Variants in KCNIP1 observed in about 807,000 individuals in gnomAD.
KCNIP1 encodes potassium voltage-gated channel interacting protein 1, also known as A-type potassium channel modulatory protein KCNIP1.
A neutral mutation model predicts 33.0 loss-of-function variants in KCNIP1; 18 were observed. The observed-to-expected ratio is 0.55, with a 90% CI of 0.38 to 0.81. KCNIP1 has a LOEUF of 0.81. Among genes scored for constraint, KCNIP1 ranks in the 30% least tolerant of loss-of-function variants. The pLI, the probability that KCNIP1 is intolerant of heterozygous loss-of-function variation, is 0.00. For missense variants in KCNIP1, 238 were observed against 271.6 expected, an observed-to-expected ratio of 0.88 and a Z score of 0.87; for synonymous variants, 93 against 98.3, an observed-to-expected ratio of 0.95 and a Z score of 0.32.
intron 5 of KCNIP1, among the ~76,000 whole-genome samples, chr5:170,723,632 A>G (rs115981953): frequency 1.4e-3 from 207 of 151,140 alleles, no homozygotes; most frequent in African/African-American, 5.0e-3. Context: ...GTTTTTAATT[A>G]ACACAGATTT....
At chr5:170,575,435 C>G (rs1363029246) in intron 1 of KCNIP1, among the ~76,000 whole-genome samples, 3 of 152,104 alleles carry the variant, frequency 2.0e-5, no homozygotes, top group Admixed American at 6.5e-5. Flanking sequence ...TCAAAGTTGC[C>G]ACCTGGCAGA....
intron 1 of KCNIP1, among the ~76,000 whole-genome samples, chr5:170,702,261 C>T (rs1364594926): frequency 6.6e-6 from 1 of 152,158 alleles, no homozygotes; most frequent in Non-Finnish European, 1.5e-5. Flanking sequence ...GTGAAAAGAA[C>T]GTTAGATTAC....
At chr5:170,356,087 T>C (rs895688082) in intron 1 of KCNIP1, among the ~76,000 whole-genome samples, 3 of 152,228 alleles carry the variant, frequency 2.0e-5, no homozygotes, top group Non-Finnish European at 2.9e-5. Flanking sequence ...GCAGGGTAGC[T>C]GAGAAAGGCC....
chr5:170,589,357 C>T (rs969717951), intron 1 of KCNIP1, among the ~76,000 whole-genome samples: 3 of 152,118 alleles, frequency 2.0e-5, no homozygotes, highest in African/African-American at 4.8e-5. Context: ...GAACCAAATA[C>T]GTGGTATCTG....
At chr5:170,477,381 T>C (rs1316952480) in intron 1 of KCNIP1, among the ~76,000 whole-genome samples, 2 of 151,878 alleles carry the variant, frequency 1.3e-5, no homozygotes, top group Non-Finnish European at 2.9e-5. Flanking sequence ...AAATCTGAGA[T>C]ATAACTGCCC....
chr5:170,693,463 GT>G, intron 1 of KCNIP1, among the ~76,000 whole-genome samples: 1 of 152,292 alleles, frequency 6.6e-6, no homozygotes, highest in East Asian at 1.9e-4. Context: ...AGAAGTGAGT[GT>G]TCTTCACAGA....
At chr5:170,452,100 G>C (rs1011449574) in intron 1 of KCNIP1, among the ~76,000 whole-genome samples, 2 of 152,142 alleles carry the variant, frequency 1.3e-5, no homozygotes, top group Non-Finnish European at 2.9e-5. Context: ...AGACCCAGAG[G>C]GAAACGTGGT....
chr5:170,698,455 C>T (rs902180378), intron 1 of KCNIP1, among the ~76,000 whole-genome samples: 9 of 152,164 alleles, frequency 5.9e-5, no homozygotes, highest in African/African-American at 1.9e-4. Context: ...GGGCAGATGA[C>T]CTTACATCCT....
chr5:170,530,718 T>C (rs1378583914), intron 1 of KCNIP1, among the ~76,000 whole-genome samples: 2 of 152,216 alleles, frequency 1.3e-5, no homozygotes, highest in African/African-American at 4.8e-5. Context: ...AGGGCTCAGA[T>C]AGCAGAGGGA....
intron 1 of KCNIP1, among the ~76,000 whole-genome samples, chr5:170,423,551 T>C (rs1465402732): frequency 6.6e-6 from 1 of 152,156 alleles, no homozygotes; most frequent in East Asian, 1.9e-4. Flanking sequence ...TCCCATGATG[T>C]CTAAGTTGTT....
chr5:170,733,742 C>A, intron 6 of KCNIP1, 94 bp from the exon 7 acceptor site: 2 of 1,033,944 alleles, frequency 1.9e-6, no homozygotes, highest in Non-Finnish European at 3.0e-6. Flanking sequence ...TGAGCTCCAG[C>A]TCGTTACTCT....
intron 5 of KCNIP1, among the ~76,000 whole-genome samples, chr5:170,726,814 G>A (rs1160051077): frequency 6.6e-6 from 1 of 151,484 alleles, no homozygotes; most frequent in African/African-American, 2.4e-5. Flanking sequence ...GGGAGGCTGA[G>A]GTGGGAGAAT....
chr5:170,467,050 G>A (rs758211927), intron 1 of KCNIP1, among the ~76,000 whole-genome samples: 2 of 152,176 alleles, frequency 1.3e-5, no homozygotes, highest in Non-Finnish European at 2.9e-5. Context: ...CATTGGATGT[G>A]ATGACATGAC....
At chr5:170,367,192 G>T (rs1361155976) in intron 1 of KCNIP1, among the ~76,000 whole-genome samples, 2 of 151,878 alleles carry the variant, frequency 1.3e-5, no homozygotes, top group Admixed American at 1.3e-4. Flanking sequence ...GCACATGCCT[G>T]TAATCCCAGC....
At chr5:170,462,931 G>C (rs758616659) in intron 1 of KCNIP1, among the ~76,000 whole-genome samples, 6 of 152,144 alleles carry the variant, frequency 3.9e-5, no homozygotes, top group Non-Finnish European at 7.3e-5. Context: ...AGGATGCAAA[G>C]GCATAAGAGT....
chr5:170,653,135 A>T (rs1195032857), intron 1 of KCNIP1, among the ~76,000 whole-genome samples: 1 of 152,212 alleles, frequency 6.6e-6, no homozygotes, highest in South Asian at 2.1e-4. Context: ...GCAGACAGCG[A>T]TTGGAGAAAA....
At chr5:170,511,296 TG>T (rs1754923852) in intron 1 of KCNIP1, among the ~76,000 whole-genome samples, 1 of 152,248 alleles carries the variant, frequency 6.6e-6, no homozygotes, top group Non-Finnish European at 1.5e-5. Flanking sequence ...AACATGGTGC[TG>T]CACACCAGGT....
At chr5:170,498,418 C>T (rs1158134521) in intron 1 of KCNIP1, among the ~76,000 whole-genome samples, 1 of 152,154 alleles carries the variant, frequency 6.6e-6, no homozygotes, top group Admixed American at 6.5e-5. Flanking sequence ...TATCTACTTC[C>T]CTGCCCTCTG....
At chr5:170,402,667 T>G (rs539867968) in intron 1 of KCNIP1, among the ~76,000 whole-genome samples, 3 of 152,280 alleles carry the variant, frequency 2.0e-5, no homozygotes, top group African/African-American at 7.2e-5. Flanking sequence ...ATCCCATTGG[T>G]GAGGACTAGT....
Sources: allele counts gnomAD v4.1 joint callset (sites outside exome capture counted in the v4.1 genomes callset), GRCh38; gene constraint gnomAD v4.1.1; transcripts MANE v1.5; gene names NCBI Gene and HGNC (gene_info 2026-07-23, HGNC 2026-07-21).